IGSF11: variants seen among roughly 807,000 people sequenced by gnomAD.
IGSF11 encodes the protein immunoglobulin superfamily member 11.
Under a neutral mutation model 41.0 loss-of-function variants are expected in IGSF11, and 22 were observed. That is an observed-to-expected ratio of 0.54 (90% CI 0.38 to 0.77). IGSF11 has a LOEUF of 0.77. IGSF11 is among the 30% of genes least tolerant of loss of function. The pLI is 0.00. For missense variants in IGSF11, 444 were observed against 530.8 expected (o/e 0.84, Z 1.61); for synonymous variants, 219 against 201.3 (o/e 1.09, Z -0.74).
chr3:119,066,394 T>C (rs1942234500), intron 1 of IGSF11, among the ~76,000 whole-genome samples: 1 of 152,258 alleles, frequency 6.6e-6, no homozygotes, highest in African/African-American at 2.4e-5. Flanking sequence ...GTGATTTATT[T>C]TCAAAGTTTT....
At chr3:118,933,514 A>G (rs1265499814) in intron 1 of IGSF11, among the ~76,000 whole-genome samples, 1 of 151,320 alleles carries the variant, frequency 6.6e-6, no homozygotes, top group Non-Finnish European at 1.5e-5. Flanking sequence ...ATATGTATAC[A>G]CAAACTCATT....
chr3:119,018,727 T>C (rs1460587070), intron 1 of IGSF11, among the ~76,000 whole-genome samples: 2 of 152,224 alleles, frequency 1.3e-5, no homozygotes, highest in Admixed American at 1.3e-4. Context: ...TGGCACATGG[T>C]GGTTACCCAA....
chr3:119,027,851 A>C (rs1939971588), intron 1 of IGSF11, among the ~76,000 whole-genome samples: 1 of 152,222 alleles, frequency 6.6e-6, no homozygotes, highest in African/African-American at 2.4e-5. Context: ...TGGGCAATAT[A>C]CATAAGTGAA....
chr3:119,106,724 C>T (rs189249366), upstream of IGSF11, among the ~76,000 whole-genome samples: 139 of 152,212 alleles, frequency 9.1e-4, no homozygotes, highest in African/African-American at 2.9e-3. Flanking sequence ...TCTCCTAATG[C>T]TATCCCTCCC....
At chr3:118,905,814 G>C in intron 4 of IGSF11, 96 bp from the exon 5 acceptor site, 1 of 1,370,778 alleles carries the variant, frequency 7.3e-7, no homozygotes. Context: ...GAACACTGGA[G>C]AGCTATCAAT....
intron 1 of IGSF11, among the ~76,000 whole-genome samples, chr3:118,945,152 T>C (rs1004935144): frequency 1.3e-5 from 2 of 152,096 alleles, no homozygotes; most frequent in Non-Finnish European, 2.9e-5. Flanking sequence ...TTTTAATAAA[T>C]AGCAATTGAA....
intron 1 of IGSF11, among the ~76,000 whole-genome samples, chr3:119,069,769 A>C (rs2076366114): frequency 6.6e-6 from 1 of 152,192 alleles, no homozygotes; most frequent in South Asian, 2.1e-4. Flanking sequence ...CTTTGTTAAC[A>C]GTTGCTCACT....
chr3:119,054,425 T>G (rs774479394), intron 1 of IGSF11, among the ~76,000 whole-genome samples: 38 of 152,142 alleles, frequency 2.5e-4, no homozygotes, highest in Non-Finnish European at 4.7e-4. Context: ...ACCAAACATG[T>G]GAAAAATGCT....
At chr3:119,037,515 T>C (rs1477641229), upstream of IGSF11, among the ~76,000 whole-genome samples, 1 of 152,126 alleles carries the variant, frequency 6.6e-6, no homozygotes, top group African/African-American at 2.4e-5. Flanking sequence ...CACCCTCATC[T>C]CTGAGAGAGT....
chr3:119,118,922 C>T (rs1443567597), intron 1 of IGSF11, among the ~76,000 whole-genome samples: 1 of 152,232 alleles, frequency 6.6e-6, no homozygotes, highest in Non-Finnish European at 1.5e-5. Context: ...CAAGAATCAC[C>T]TTTGCTCCAG....
chr3:119,024,089 C>T (rs1289471621), intron 1 of IGSF11, among the ~76,000 whole-genome samples: 1 of 152,054 alleles, frequency 6.6e-6, no homozygotes, highest in East Asian at 1.9e-4. Context: ...AAGATAACTC[C>T]CTAAATTCAA....
chr3:119,113,403 C>G (rs2077211344), intron 1 of IGSF11, among the ~76,000 whole-genome samples: 1 of 152,138 alleles, frequency 6.6e-6, no homozygotes, highest in Non-Finnish European at 1.5e-5. Flanking sequence ...TACTCCTGTT[C>G]CAAAAGGAAG....
At chr3:118,917,729 A>G (rs1941308045) in intron 4 of IGSF11, among the ~76,000 whole-genome samples, 1 of 148,448 alleles carries the variant, frequency 6.7e-6, no homozygotes, top group African/African-American at 2.5e-5. Context: ...TCAATAGAAA[A>G]AGAGGGAATC....
chr3:118,928,784 T>G, intron 2 of IGSF11, 68 bp from the exon 3 acceptor site: 1 of 1,161,682 alleles, frequency 8.6e-7, no homozygotes. Flanking sequence ...CAATAACTAT[T>G]TGGTAGACAG....
intron 1 of IGSF11, among the ~76,000 whole-genome samples, chr3:118,935,413 C>A (rs1943194091): frequency 1.4e-5 from 2 of 143,328 alleles, no homozygotes. Context: ...CACACATATA[C>A]ATACGTATAT....
chr3:119,017,935 A>G (rs1938909079), intron 1 of IGSF11, among the ~76,000 whole-genome samples: 1 of 151,562 alleles, frequency 6.6e-6, no homozygotes, highest in African/African-American at 2.4e-5. Context: ...GGTATGCGCC[A>G]CCATGCCCAA....
At chr3:119,078,456 G>A (rs370856781) in intron 1 of IGSF11, among the ~76,000 whole-genome samples, 2 of 152,186 alleles carry the variant, frequency 1.3e-5, no homozygotes, top group Admixed American at 6.5e-5. Flanking sequence ...TCGACAACAA[G>A]CAATGGGGAA....
chr3:119,058,260 C>T (rs995325936), intron 1 of IGSF11, among the ~76,000 whole-genome samples: 4 of 152,202 alleles, frequency 2.6e-5, no homozygotes, highest in African/African-American at 9.6e-5. Flanking sequence ...CTACAAAGAA[C>T]TCAAACAAAT....
chr3:118,986,938 G>T (rs1224285220), intron 1 of IGSF11, among the ~76,000 whole-genome samples: 1 of 152,156 alleles, frequency 6.6e-6, no homozygotes, highest in East Asian at 1.9e-4. Context: ...CTAAGACCAT[G>T]GCTGTTGCTT....
Sources: gnomAD v4.1 joint callset for allele counts (sites outside exome capture counted in the v4.1 genomes callset) on GRCh38, gnomAD v4.1.1 for gene constraint, MANE v1.5 for transcripts, NCBI Gene and HGNC (gene_info 2026-07-23, HGNC 2026-07-21) for gene names.